PPP1R3F: variants seen among roughly 807,000 people sequenced by gnomAD.
PPP1R3F encodes protein phosphatase 1 regulatory subunit 3F.
Under a neutral mutation model 24.2 loss-of-function variants are expected in PPP1R3F, and 29 were observed. The ratio of observed to expected loss-of-function variants is 1.20; its 90% confidence interval spans 0.89 to 1.63. PPP1R3F has a LOEUF of 1.63. Among genes scored for constraint, PPP1R3F ranks in the 40% most tolerant of loss-of-function variants. PPP1R3F has a pLI of 0.00. For missense variants in PPP1R3F, 823 were observed against 729.3 expected (o/e 1.13, Z -1.48); for synonymous variants, 363 against 340.1 (o/e 1.07, Z -0.74).
At chrX:49,301,210 T>C in intron 3 of PPP1R3F, 1 of 310,400 alleles carries the variant, frequency 3.2e-6, no homozygotes, top group Admixed American at 4.3e-5. Flanking sequence ...TAATTGGATG[T>C]AAGACACAGG....
intron 1 of PPP1R3F, among the ~76,000 whole-genome samples, chrX:49,278,050 C>T (rs1444012140): frequency 8.9e-6 from 1 of 112,063 alleles, no homozygotes; most frequent in Non-Finnish European, 1.9e-5. Context: ...TTCTCGCCCT[C>T]CTCAGCCATG....
In PPP1R3F at chrX:49,270,023, C is replaced by T; in HGVS notation, c.154C>T (p.Arg52Cys). 2.1e-6 allele frequency: 2 copies of T among 935,257 alleles called. No individual in the cohort carries two copies. The highest frequency in any genetic ancestry group is 4.5e-4 in the Middle Eastern group (1 of 2,205). The allele number at this position is 935,257 out of a possible 1,213,427, so 77.1% of individuals were successfully genotyped here. Residue 52 changes from arginine (R) to cysteine (C), a missense_variant, in exon 1 of 4, where the codon CGC becomes TGC. Physicochemically the swap from Arg to Cys is radical, Grantham distance 180. Coordinates refer to ENST00000055335, the MANE Select transcript of PPP1R3F (RefSeq NM_033215.5). ...EALGLPLAQL[R>C]RYRPWGGPGA... ...CTTGGGGCTGCCGCTGGCGCAGTTG[C>T]GCCGCTACCGGCCGTGGGGCGGGCC...
At chrX:49,281,593 G>T in intron 2 of PPP1R3F, 132 bp downstream of exon 2, 1 of 520,645 alleles carries the variant, frequency 1.9e-6, no homozygotes, top group South Asian at 3.2e-5. Context: ...ACTTTGGGAG[G>T]CTGAGGCAGG....
At position 49,286,912 on chromosome X, in the gene PPP1R3F, A is replaced by G. The variant is rs2066290006; in HGVS notation, c.2222A>G (p.Lys741Arg). 8.3e-7 allele frequency: 1 copy of G among 1,198,107 alleles called. No homozygotes were observed. Among genetic ancestry groups the G allele is most frequent in the Non-Finnish European group, 1.1e-6 (1 of 888,738 alleles). ...DAGPSLEPPK[K>R]SPTLAVPAEC... ...GGCCCAAGCCTTGAACCCCCAAAGA[A>G]GTCTCCCACCCTAGCAGTCCCTGCA... Residue 741 changes from lysine (K) to arginine (R), a missense_variant, in exon 4 of 4, where the codon AAG becomes AGG. Lys to Arg is a conservative substitution (Grantham distance 26). Coordinates refer to ENST00000055335, the MANE Select transcript of PPP1R3F (RefSeq NM_033215.5).
chrX:49,288,326 C>G (rs1449436306), downstream of PPP1R3F, among the ~76,000 whole-genome samples: 1 of 112,401 alleles, frequency 8.9e-6, no homozygotes, highest in Non-Finnish European at 1.9e-5. Context: ...TTGATCATCT[C>G]TACCTTGCAA....
downstream of PPP1R3F, among the ~76,000 whole-genome samples, chrX:49,291,846 A>G (rs782819009): frequency 2.6e-3 from 282 of 110,434 alleles, 2 homozygotes; most frequent in African/African-American, 8.8e-3. Context: ...CAGCCCTGCT[A>G]TCACCCACCC....
downstream of PPP1R3F, among the ~76,000 whole-genome samples, chrX:49,292,393 C>T (rs990089108): frequency 8.8e-6 from 1 of 113,115 alleles, no homozygotes; most frequent in African/African-American, 3.2e-5. Flanking sequence ...GATTTTTCCA[C>T]AAGATGCACT....
At position 49,270,453 on chromosome X, in the gene PPP1R3F, C is replaced by A; in HGVS notation, c.584C>A (p.Pro195Gln). Residue 195 changes from proline to glutamine, a missense_variant, in exon 1 of 4, where the codon CCA becomes CAA. By Grantham distance (76) the Pro-to-Gln change is moderately conservative (BLOSUM62 -1). Transcript: ENST00000055335. Reference sequence around the variant, plus strand: ...GGCTGGGCTTCCTTTTGCGACCACCCAGCGCGCTACGTCCCGCGCAGCCCG... The same window carrying A: ...GGCTGGGCTTCCTTTTGCGACCACCAAGCGCGCTACGTCCCGCGCAGCCCG... ...HDGWASFCDH[P>Q]ARYVPRSPPW... 1 of 1,199,638 alleles carries A rather than the reference C, an allele frequency of 8.3e-7. No individual in the cohort carries two copies. Among genetic ancestry groups the A allele is most frequent in the Non-Finnish European group, 1.1e-6 (1 of 893,777 alleles).
Position 49,269,836 on chromosome X carries a change from C to CGCCGGTGCCGTCGGT in PPP1R3F, c.-29_-15dup, listed in dbSNP as rs1401575899. ...CAGGCCCTGCCCCCGCCGGTCCCGCCGCCGGTGCCGTCGGTGCCGCCGCCG... is the reference window on the plus strand; with the variant it reads ...CAGGCCCTGCCCCCGCCGGTCCCGCCGCCGGTGCCGTCGGTGCCGGTGCCGTCGGTGCCGCCGCCG... On this transcript the variant is annotated 5_prime_UTR_variant, in exon 1 of 4. Coordinates refer to ENST00000055335, the MANE Select transcript of PPP1R3F (RefSeq NM_033215.5). 2.3e-6 allele frequency: 2 copies of CGCCGGTGCCGTCGGT among 867,128 alleles called. No homozygotes were observed. Among genetic ancestry groups the CGCCGGTGCCGTCGGT allele is most frequent in the African/African-American group, 2.1e-5 (1 of 46,613 alleles). 71.5% of individuals were successfully genotyped at this position (867,128 alleles called of 1,213,427 possible).
chrX:49,269,912 G>A lies in PPP1R3F; in HGVS notation c.43G>A (p.Ala15Thr). 7 of 906,833 alleles carry A rather than the reference G, an allele frequency of 7.7e-6. No homozygotes were observed. The highest frequency in any genetic ancestry group is 9.5e-6 in the Non-Finnish European group (7 of 736,259). The allele number at this position is 906,833 out of a possible 1,213,427, so 74.7% of individuals were successfully genotyped here. A position where few individuals can be genotyped will look rare whatever the true frequency, so the allele number is the denominator to read the frequency against. ...TGTGGAGCCCCCGCTGCGGCATTCCGCGCCCCCCTCGCCGGCCGCGGGTGA... is the reference window on the plus strand; with the variant it reads ...TGTGGAGCCCCCGCTGCGGCATTCCACGCCCCCCTCGCCGGCCGCGGGTGA... ...APVEPPLRHS[A>T]PPSPAAGEPR... Residue 15 changes from alanine (A) to threonine (T), a missense_variant, in exon 1 of 4, where the codon GCG becomes ACG. Transcript: ENST00000055335.
At position 49,270,848 on chromosome X, in the gene PPP1R3F, A is replaced by G; in HGVS notation, c.979A>G (p.Ser327Gly). 8.4e-7 allele frequency: 1 copy of G among 1,183,586 alleles called. No individual in the cohort carries two copies. The highest frequency in any genetic ancestry group is 1.1e-6 in the Non-Finnish European group (1 of 881,457). ...GGAGGCTGAGGCCAGGCAGCTGAAG[A>G]GCTGCATGAAGCCGGTGAGGCGCAG... The part of the protein sequence containing the change: ...PVEAEARQLK[S>G]CMKPVRRRPA... The change falls in exon 1 of 4, where the codon AGC becomes GGC. Residue 327 changes from serine (S) to glycine (G), a missense_variant. By Grantham distance (56) the Ser-to-Gly change is moderately conservative. Transcript: ENST00000055335.
intron 3 of PPP1R3F, among the ~76,000 whole-genome samples, chrX:49,294,817 G>A (rs782334932): frequency 1.9e-5 from 2 of 108,055 alleles, no homozygotes; most frequent in Admixed American, 2.0e-4. Flanking sequence ...GGCTGAGGCT[G>A]AGAATGGTGT....
Position 49,282,018 on chromosome X carries a change from G to A in PPP1R3F, c.1098G>A (p.Leu366=), listed in dbSNP as rs782712260. 3.3e-6 allele frequency: 4 copies of A among 1,210,256 alleles called. No individual in the cohort carries two copies. Among genetic ancestry groups the A allele is most frequent in the Non-Finnish European group, 2.2e-6 (2 of 894,303 alleles). ...ATGTCCAGGAGTCAGTGGGTCCACT[G>A]GTAGCCCCCACCCCTCTCCGTCCAT... ...HPDVQESVGP[L]VAPTPLRPWP... Residue 366 remains leucine (L), a synonymous_variant, in exon 3 of 4, where the codon CTG becomes CTA. Coordinates refer to ENST00000055335, the MANE Select transcript of PPP1R3F (RefSeq NM_033215.5).
chrX:49,285,341 G>T (rs782093013), intron 3 of PPP1R3F, among the ~76,000 whole-genome samples: 3 of 110,410 alleles, frequency 2.7e-5, no homozygotes, highest in Non-Finnish European at 5.7e-5. Context: ...GATTACAGGC[G>T]CACAACACCA....
At chrX:49,301,246 G>T in intron 3 of PPP1R3F, 6 of 375,251 alleles carry the variant, frequency 1.6e-5, no homozygotes, top group Admixed American at 7.0e-5. Context: ...CTGTTTTTTT[G>T]TCTATTTAAT....
chrX:49,287,104 G>A lies in PPP1R3F; in HGVS notation c.*14G>A. Reference sequence around the variant, plus strand: ...TGGTTCTCATAGGCTCTGCTTGTGGGATCAGCAGAGGCTTAAGATGGGATA... The same window carrying A: ...TGGTTCTCATAGGCTCTGCTTGTGGAATCAGCAGAGGCTTAAGATGGGATA... On this transcript the variant is annotated 3_prime_UTR_variant, in exon 4 of 4. Coordinates refer to ENST00000055335, the MANE Select transcript of PPP1R3F (RefSeq NM_033215.5). 1 of 1,205,109 alleles carries A rather than the reference G, an allele frequency of 8.3e-7. No homozygotes were observed. The highest frequency in any genetic ancestry group is 1.8e-5 in the South Asian group (1 of 56,773).
chrX:49,271,572 A>C (rs1179986870), intron 1 of PPP1R3F, among the ~76,000 whole-genome samples: 1 of 112,527 alleles, frequency 8.9e-6, no homozygotes, highest in African/African-American at 3.2e-5. Context: ...AGTGGGGGGT[A>C]GAGCAGATTC....
At position 49,282,011 on chromosome X, in the gene PPP1R3F, G is replaced by A. The variant is rs782487870; in HGVS notation, c.1091G>A (p.Gly364Asp). Residue 364 changes from glycine (G) to aspartate (D), a missense_variant, in exon 3 of 4, where the codon GGT becomes GAT. Transcript: ENST00000055335. ...AEHPDVQESV[G>D]PLVAPTPLRP... ...CATCCTGATGTCCAGGAGTCAGTGG[G>A]TCCACTGGTAGCCCCCACCCCTCTC... 1 of 1,208,301 alleles carries A rather than the reference G, an allele frequency of 8.3e-7. No individual in the cohort carries two copies. Among genetic ancestry groups the A allele is most frequent in the Admixed American group, 2.2e-5 (1 of 45,743 alleles).
At chrX:49,300,477 GTTTTTTTTTTTT>G (rs35140303) in intron 3 of PPP1R3F, among the ~76,000 whole-genome samples, 15 of 70,384 alleles carry the variant, frequency 2.1e-4, no homozygotes, top group African/African-American at 6.6e-4. Flanking sequence ...TATTGCTGCT[GTTTTTTTTTTTT>G]TTTTTTTTTT....
Sources: gnomAD v4.1 joint callset for allele counts (sites outside exome capture counted in the v4.1 genomes callset) on GRCh38, gnomAD v4.1.1 for gene constraint, MANE v1.5 for transcripts, NCBI Gene and HGNC (gene_info 2026-07-23, HGNC 2026-07-21) for gene names.